The following FAM81A variants were observed in gnomAD, a reference collection of about 807,000 sequenced individuals.
The protein encoded by FAM81A is family with sequence similarity 81 member A, also known as protein FAM81A.
In FAM81A, 19 loss-of-function variants were observed where a neutral mutation model predicts 46.7. The ratio of observed to expected loss-of-function variants is 0.41; its 90% CI spans 0.28 to 0.60. FAM81A has a LOEUF of 0.60. FAM81A is among the 20% of genes least tolerant of loss of function. The pLI is 0.34. For synonymous variants in FAM81A, 183 were observed against 152.9 expected (o/e 1.20, Z -1.45); for missense variants, 377 against 453.5 (o/e 0.83, Z 1.53).
intron 4 of FAM81A, among the ~76,000 whole-genome samples, chr15:59,505,356 A>G (rs2082137897): frequency 6.6e-6 from 1 of 152,080 alleles, no homozygotes. Context: ...TACTAAAAAT[A>G]CAAAAATTAG....
chr15:59,490,418 T>TA (rs2081968624), intron 3 of FAM81A, among the ~76,000 whole-genome samples: 2 of 152,058 alleles, frequency 1.3e-5, no homozygotes, highest in South Asian at 4.2e-4. Context: ...ATAATCTGTT[T>TA]AAAAAATGGG....
At chr15:59,463,800 A>G (rs950067351) in intron 3 of FAM81A, among the ~76,000 whole-genome samples, 13 of 152,126 alleles carry the variant, frequency 8.5e-5, no homozygotes, top group Admixed American at 6.6e-4. Context: ...GGTTTTATTA[A>G]TTTTGTCAGT....
rs147596359 is a variant in FAM81A at position 59,421,605 on chromosome 15, T to C, written c.-78+19247T>C. Among the ~76,000 whole-genome samples, 510 of 152,308 alleles carry C rather than the reference T, an allele frequency of 3.3e-3. 4 individuals carry two copies. Among genetic ancestry groups the C allele is most frequent in the African/African-American group, 0.012 (496 of 41,572 alleles). ...TTTGCCGTTGCTGCCTGGCTATACC[T>C]TGTATTTATTGCTGGCCTATACCTG... On this transcript the variant is annotated intron_variant, in intron 2 of 4. Transcript: ENST00000558348.
At chr15:59,458,057 T>A (rs570542842) in intron 1 of FAM81A, among the ~76,000 whole-genome samples, 1 of 152,352 alleles carries the variant, frequency 6.6e-6, no homozygotes, top group South Asian at 2.1e-4. Context: ...ACAAATCAGA[T>A]CACATTGATC....
At chr15:59,419,610 A>C (rs1248665336) in intron 2 of FAM81A, among the ~76,000 whole-genome samples, 1 of 152,194 alleles carries the variant, frequency 6.6e-6, no homozygotes, top group African/African-American at 2.4e-5. Flanking sequence ...ACGGTGGCTC[A>C]AGCTTGTAAT....
At chr15:59,442,712 A>G (rs571206088) in intron 1 of FAM81A, among the ~76,000 whole-genome samples, 1 of 152,108 alleles carries the variant, frequency 6.6e-6, no homozygotes, top group Non-Finnish European at 1.5e-5. Context: ...AAATTCTCTA[A>G]ATATTAATTT....
intron 1 of FAM81A, among the ~76,000 whole-genome samples, chr15:59,450,231 C>G (rs1333617900): frequency 6.6e-6 from 1 of 151,728 alleles, no homozygotes; most frequent in Non-Finnish European, 1.5e-5. Flanking sequence ...CACCTCGCTG[C>G]TAATTCATTT....
At chr15:59,426,561 G>A (rs926027984) in intron 2 of FAM81A, among the ~76,000 whole-genome samples, 2 of 152,228 alleles carry the variant, frequency 1.3e-5, no homozygotes, top group Non-Finnish European at 2.9e-5. Flanking sequence ...GCGGTGAACC[G>A]AGATTGCGCC....
intron 2 of FAM81A, among the ~76,000 whole-genome samples, chr15:59,420,290 C>T (rs918311611): frequency 2.0e-5 from 3 of 152,236 alleles, no homozygotes; most frequent in African/African-American, 7.2e-5. Flanking sequence ...TGACTTTAGT[C>T]ACTGTGTCCC....
upstream of FAM81A, among the ~76,000 whole-genome samples, chr15:59,435,366 T>A (rs2141569735): frequency 6.6e-6 from 1 of 152,280 alleles, no homozygotes; most frequent in East Asian, 1.9e-4. Context: ...ACACCTGTAA[T>A]CCCAGCACCT....
In FAM81A at chr15:59,521,219, T is replaced by G. The variant is rs757080168; in HGVS notation, c.983-35T>G. 9 of 1,585,756 alleles carry G rather than the reference T, an allele frequency of 5.7e-6. No individual in the cohort carries two copies. The African/African-American group carries it at 1.2e-4, about 22-fold the overall frequency. On this transcript the variant is annotated intron_variant, in intron 8 of 8. Transcript: ENST00000288228. ...AATTTGATACAGCATTTTAAAAAAATTGTTAACTGTTGTGAAATTTACCTC... is the reference window on the plus strand; with the variant it reads ...AATTTGATACAGCATTTTAAAAAAAGTGTTAACTGTTGTGAAATTTACCTC...
chr15:59,509,419 G>T (rs762297979), intron 6 of FAM81A, among the ~76,000 whole-genome samples: 3 of 152,208 alleles, frequency 2.0e-5, no homozygotes, highest in South Asian at 2.1e-4. Flanking sequence ...ATCCCTGGAA[G>T]TTGCGAATAT....
intron 1 of FAM81A, among the ~76,000 whole-genome samples, chr15:59,455,582 C>G (rs939291151): frequency 6.6e-6 from 1 of 152,198 alleles, no homozygotes; most frequent in Non-Finnish European, 1.5e-5. Flanking sequence ...GCTAACAAAC[C>G]AAGCGACCTG....
intron 7 of FAM81A, among the ~76,000 whole-genome samples, chr15:59,516,147 G>GACAGA (rs1237528964): frequency 7.3e-6 from 1 of 137,674 alleles, no homozygotes; most frequent in Non-Finnish European, 1.5e-5. Context: ...TTTTTTTTGA[G>GACAGA]ACAGAGTCTC....
chr15:59,419,985 C>T (rs1446391432), intron 2 of FAM81A, among the ~76,000 whole-genome samples: 1 of 152,208 alleles, frequency 6.6e-6, no homozygotes, highest in Admixed American at 6.5e-5. Flanking sequence ...CACCCAGCCC[C>T]TTTCCCCTTC....
rs763423961 is a variant in FAM81A at position 59,507,362 on chromosome 15, G to C, written c.543+20G>C. 11 of 1,607,836 alleles carry C rather than the reference G, an allele frequency of 6.8e-6. No individual in the cohort carries two copies. In the Admixed American group the frequency reaches 1.7e-4, roughly 25 times the overall value. ...GGACAGGTACGACCTGTTTCAGGTA[G>C]CTTTTAGAAGCGGGTAATTTGTTCT... On this transcript the variant is annotated intron_variant, in intron 5 of 8. Coordinates refer to ENST00000288228, the MANE Select transcript of FAM81A (RefSeq NM_152450.3).
intron 3 of FAM81A, among the ~76,000 whole-genome samples, chr15:59,479,760 A>G (rs2081826176): frequency 6.6e-6 from 1 of 152,032 alleles, no homozygotes; most frequent in Admixed American, 6.6e-5. Flanking sequence ...GGGGAAGGGC[A>G]GCCCGTGAGA....
intron 4 of FAM81A, among the ~76,000 whole-genome samples, chr15:59,505,666 G>C (rs1291291599): frequency 6.6e-6 from 1 of 152,176 alleles, no homozygotes; most frequent in African/African-American, 2.4e-5. Flanking sequence ...TGACAGGGGA[G>C]AATAAAGGGT....
chr15:59,432,963 G>T (rs576318967), intron 2 of FAM81A, among the ~76,000 whole-genome samples: 1 of 137,012 alleles, frequency 7.3e-6, no homozygotes, highest in South Asian at 2.3e-4. Context: ...GTGAAACCCC[G>T]TCTCTATTAA....
Sources: gnomAD v4.1 joint callset for allele counts (sites outside exome capture counted in the v4.1 genomes callset) on GRCh38, gnomAD v4.1.1 for gene constraint, MANE v1.5 for transcripts, NCBI Gene and HGNC (gene_info 2026-07-23, HGNC 2026-07-21) for gene names.